The following JDP2 variants were observed in gnomAD, a reference collection of about 807,000 sequenced individuals.
The protein encoded by JDP2 is progesterone receptor co-activator.
In JDP2, 9 loss-of-function variants were observed where a neutral mutation model predicts 17.1. The ratio of observed to expected loss-of-function variants is 0.53; its 90% confidence interval spans 0.32 to 0.92. JDP2 has a LOEUF of 0.92. JDP2 is among the 40% of genes least tolerant of loss of function. The pLI is 0.04. For synonymous variants in JDP2, 107 were observed against 95.6 expected (o/e 1.12, Z -0.69); for missense variants, 179 against 220.0 (o/e 0.81, Z 1.18).
Position 75,438,042 on chromosome 14 carries a change from G to C in JDP2, c.122G>C (p.Arg41Pro). 6.2e-7 allele frequency: 1 copy of C among 1,613,868 alleles called. No individual in the cohort carries two copies. Residue 41 changes from arginine (R) to proline (P), a missense_variant, in exon 2 of 4, where the codon CGC (arginine) becomes CCC (proline). By Grantham distance (103) the Arg-to-Pro change is moderately radical. Transcript: ENST00000651602. ...TVEELKYADI[R>P]NLGAMIAPLH... Reference sequence around the variant, plus strand: ...GAGGAGCTGAAATACGCTGACATCCGCAACCTCGGGGCCATGATTGCACCC... The same window carrying C: ...GAGGAGCTGAAATACGCTGACATCCCCAACCTCGGGGCCATGATTGCACCC...
intron 2 of JDP2, among the ~76,000 whole-genome samples, chr14:75,448,678 G>A (rs979765077): frequency 1.4e-4 from 22 of 152,162 alleles, no homozygotes; most frequent in Non-Finnish European, 2.8e-4. Flanking sequence ...CCACGTCCAC[G>A]CCCTAAGGGA....
At chr14:75,434,795 A>G (rs1447217561) in intron 1 of JDP2, among the ~76,000 whole-genome samples, 1 of 152,150 alleles carries the variant, frequency 6.6e-6, no homozygotes, top group Non-Finnish European at 1.5e-5. Flanking sequence ...CTACTGTGGG[A>G]ATGAATAACT....
chr14:75,434,915 A>G (rs1228320194), intron 1 of JDP2, among the ~76,000 whole-genome samples: 2 of 152,194 alleles, frequency 1.3e-5, no homozygotes, highest in African/African-American at 4.8e-5. Context: ...TTGTTCATTC[A>G]TTTATTCACT....
chr14:75,443,739 A>G lies in JDP2; in HGVS notation c.201+5618A>G, dbSNP rs34986746. Among the ~76,000 whole-genome samples the G allele has an allele frequency of 1.5e-3, 222 of 152,268 alleles. 1 individual carries two copies. The highest frequency in any genetic ancestry group is 2.9e-3 in the Admixed American group (44 of 15,298). On this transcript the variant is annotated intron_variant, in intron 2 of 3. Transcript: ENST00000651602. ...AGTCGGTCACACCCACTGTTATCCT[A>G]GCACAGGGTCCCTTGGAGAGGTGGT...
rs370144187 is a variant in JDP2, at chr14:75,430,654, G to T, written c.-24+2402G>T. Among the ~76,000 whole-genome samples the T allele has an allele frequency of 6.6e-6, 1 of 152,126 alleles. No homozygotes were observed. The highest frequency in any genetic ancestry group is 2.4e-5 in the African/African-American group (1 of 41,398). On this transcript the variant is annotated intron_variant, in intron 1 of 3. Transcript: ENST00000651602. This position sits in a 1 kb window ranked among gnomAD's most constrained non-coding sequence, Gnocchi z 4.5. ...GGCTGCGTCCCGGGCCATATGCAGC[G>T]TATGGTGGCCAATGAAACCGGGCCT...
intron 2 of JDP2, among the ~76,000 whole-genome samples, chr14:75,459,151 C>T (rs185507087): frequency 6.6e-6 from 1 of 152,346 alleles, no homozygotes; most frequent in East Asian, 1.9e-4. Flanking sequence ...ACCCAGGCTG[C>T]ACACATCACC....
At chr14:75,445,395 A>G (rs4899566) in intron 2 of JDP2, 466,246 of 984,648 alleles carry the variant, frequency 0.47, 113,218 homozygotes, top group African/African-American at 0.75. Context: ...TGGCTACAGG[A>G]TCCCCTTTTA....
chr14:75,441,878 C>T (rs543929069), intron 2 of JDP2, among the ~76,000 whole-genome samples: 16 of 152,264 alleles, frequency 1.1e-4, no homozygotes, highest in South Asian at 2.1e-4. Flanking sequence ...CATCTCCCAG[C>T]GAGCTGTGGC....
intron 2 of JDP2, among the ~76,000 whole-genome samples, chr14:75,449,813 G>A (rs1417251648): frequency 2.0e-5 from 3 of 152,156 alleles, no homozygotes; most frequent in Non-Finnish European, 4.4e-5. Context: ...GATTTTTCCT[G>A]TGTCTCCTGG....
At chr14:75,444,109 G>A (rs1885485483) in intron 2 of JDP2, among the ~76,000 whole-genome samples, 1 of 152,094 alleles carries the variant, frequency 6.6e-6, no homozygotes, top group Non-Finnish European at 1.5e-5. Context: ...TTGCCATGTT[G>A]CCCAGGCTGT....
chr14:75,438,028 A>G lies in JDP2; in HGVS notation c.108A>G (p.Lys36=). The G allele has an allele frequency of 1.2e-6, 2 of 1,614,010 alleles. No homozygotes were observed. Among genetic ancestry groups the G allele is most frequent in the Non-Finnish European group, 1.7e-6 (2 of 1,179,976 alleles). Residue 36 remains lysine, a synonymous_variant, in exon 2 of 4, where the codon AAA becomes AAG. Transcript: ENST00000651602. ...CGGCCCTGACTGTGGAGGAGCTGAA[A>G]TACGCTGACATCCGCAACCTCGGGG... ...PSSALTVEEL[K]YADIRNLGAM...
intron 2 of JDP2, among the ~76,000 whole-genome samples, chr14:75,458,317 C>G (rs931655153): frequency 2.0e-5 from 3 of 152,150 alleles, no homozygotes; most frequent in African/African-American, 7.2e-5. Flanking sequence ...CCTCTCCCTC[C>G]TCCTACCCTC....
intron 3 of JDP2, among the ~76,000 whole-genome samples, chr14:75,463,768 A>G (rs1207775152): frequency 2.0e-5 from 3 of 152,124 alleles, no homozygotes; most frequent in Non-Finnish European, 4.4e-5. Flanking sequence ...CAGGGCCCAG[A>G]TCCCTCATAA....
intron 3 of JDP2, among the ~76,000 whole-genome samples, chr14:75,467,974 A>G (rs1215304510): frequency 1.3e-5 from 2 of 152,144 alleles, no homozygotes; most frequent in Admixed American, 6.5e-5. Flanking sequence ...GCCAAGGAAC[A>G]GTTCGGTCAG....
At chr14:75,441,975 A>G (rs888345740) in intron 2 of JDP2, among the ~76,000 whole-genome samples, 1 of 151,538 alleles carries the variant, frequency 6.6e-6, no homozygotes, top group Non-Finnish European at 1.5e-5. Context: ...TTGCACACAC[A>G]CATAGACACA....
intron 2 of JDP2, among the ~76,000 whole-genome samples, chr14:75,454,047 A>G (rs1268068886): frequency 6.6e-6 from 1 of 152,152 alleles, no homozygotes; most frequent in Non-Finnish European, 1.5e-5. Context: ...AACGCTTATG[A>G]AAAGTCAGAA....
At chr14:75,446,387 A>G (rs886472165) in intron 2 of JDP2, among the ~76,000 whole-genome samples, 2 of 152,274 alleles carry the variant, frequency 1.3e-5, no homozygotes, top group Non-Finnish European at 2.9e-5. Context: ...TAATAGCTCC[A>G]AAGTGGAAGC....
Position 75,473,518 on chromosome 14 carries a change from A to C in JDP2, c.*4043A>C, listed in dbSNP as rs1328498771. 6.6e-6 allele frequency: 1 copy of C among 152,236 alleles called. No homozygotes were observed. Among genetic ancestry groups the C allele is most frequent in the African/African-American group, 2.4e-5 (1 of 41,460 alleles). 9.4% of individuals were successfully genotyped at this position (152,236 alleles called of 1,614,324 possible). Reference sequence around the variant, plus strand: ...AGCACAGGGGCAAAAGGAAATGTACAAGAATGTTCACTGATGGCTTTGTTT... The same window carrying C: ...AGCACAGGGGCAAAAGGAAATGTACCAGAATGTTCACTGATGGCTTTGTTT... On this transcript the variant is annotated 3_prime_UTR_variant, in exon 4 of 4. Coordinates refer to ENST00000651602, the MANE Select transcript of JDP2 (RefSeq NM_001135048.2).
chr14:75,453,802 G>T (rs1885977866), intron 2 of JDP2, among the ~76,000 whole-genome samples: 13 of 151,794 alleles, frequency 8.6e-5, no homozygotes, highest in Admixed American at 8.5e-4. Context: ...TCTCAGATTA[G>T]CCTGGTTCTG....
Sources: gnomAD v4.1 joint callset for allele counts (sites outside exome capture counted in the v4.1 genomes callset) on GRCh38, gnomAD v4.1.1 for gene constraint, Gnocchi (gnomAD v3.1) non-coding constraint, MANE v1.5 for transcripts, NCBI Gene and HGNC (gene_info 2026-07-23, HGNC 2026-07-21) for gene names.